The following PKN2 variants were observed in gnomAD, a reference collection of about 807,000 sequenced individuals.
The protein encoded by PKN2 is serine/threonine-protein kinase N2.
PKN2 carries 38 observed loss-of-function variants against 119.1 expected under a neutral mutation model. The observed-to-expected ratio is 0.32, with a 90% CI of 0.25 to 0.42. The LOEUF is 0.42. PKN2 is among the 10% of genes least tolerant of loss of function. The pLI is 1.00. For missense variants in PKN2, 850 were observed against 1,165.1 expected (o/e 0.73, Z 3.94); for synonymous variants, 390 against 384.9 (o/e 1.01, Z -0.15).
At chr1:88,772,162 C>G (rs1213704137) in intron 6 of PKN2, among the ~76,000 whole-genome samples, 1 of 152,188 alleles carries the variant, frequency 6.6e-6, no homozygotes, top group East Asian at 1.9e-4. Context: ...CCCCCTTCCT[C>G]CCAGCTGCTA....
chr1:88,805,367 G>T (rs1027567822), intron 10 of PKN2, 130 bp from the exon 11 acceptor site: 3 of 760,604 alleles, frequency 3.9e-6, no homozygotes, highest in Non-Finnish European at 6.1e-6. Context: ...TAAAAAACTA[G>T]TTTTTTTAAG....
chr1:88,758,046 A>C (rs1669280559), intron 2 of PKN2, among the ~76,000 whole-genome samples: 1 of 150,842 alleles, frequency 6.6e-6, no homozygotes, highest in African/African-American at 2.4e-5. Context: ...CTCAAAAAAA[A>C]AAAAAAAAAA....
intron 1 of PKN2, among the ~76,000 whole-genome samples, chr1:88,697,643 G>T (rs1221622685): frequency 6.6e-6 from 1 of 152,058 alleles, no homozygotes; most frequent in Non-Finnish European, 1.5e-5. Context: ...AATGCCTGTG[G>T]GATATAGTCC....
intron 1 of PKN2, among the ~76,000 whole-genome samples, chr1:88,701,317 G>A (rs535473020): frequency 6.6e-6 from 1 of 152,248 alleles, no homozygotes; most frequent in South Asian, 2.1e-4. Context: ...GGAGGCAGGT[G>A]CCTATAATCC....
intron 1 of PKN2, among the ~76,000 whole-genome samples, chr1:88,721,674 GT>G (rs1422283767): frequency 6.6e-6 from 1 of 152,130 alleles, no homozygotes; most frequent in Admixed American, 6.5e-5. Flanking sequence ...ATTAATTAAG[GT>G]CTTATTGGAT....
chr1:88,807,486 C>T, intron 13 of PKN2, 43 bp downstream of exon 13: 1 of 1,603,286 alleles, frequency 6.2e-7, no homozygotes, highest in Non-Finnish European at 8.5e-7. Context: ...TGTTTGGTAC[C>T]ATACTTTATT....
chr1:88,802,771 C>T (rs1378075696), intron 8 of PKN2, among the ~76,000 whole-genome samples: 1 of 152,136 alleles, frequency 6.6e-6, no homozygotes, highest in African/African-American at 2.4e-5. Context: ...AAAATCTTAC[C>T]ATTTTAGCCA....
Position 88,833,315 on chromosome 1 carries a change from A to T in PKN2, c.2822A>T (p.Glu941Val). The T allele has an allele frequency of 6.2e-7, 1 of 1,613,452 alleles. No individual in the cohort carries two copies. Among genetic ancestry groups the T allele is most frequent in the Non-Finnish European group, 8.5e-7 (1 of 1,179,516 alleles). ...TTTATACCTACCATAAGAGGACGAG[A>T]AGATGTTAGTAATTTTGATGATGAA... is the stretch of plus-strand genomic sequence containing the variant. ...PPFIPTIRGR[E>V]DVSNFDDEFT... The change falls in exon 22 of 22, where the codon GAA becomes GTA. Residue 941 changes from glutamate (E) to valine (V), a missense_variant. Glu to Val is a moderately radical substitution (Grantham distance 121). Around this residue, in one of 9 missense-constraint regions of PKN2, gnomAD observed 95 missense variants for 150.2 expected, o/e 0.63. Transcript: ENST00000370521.
At chr1:88,689,929 C>T (rs1287382050) in intron 1 of PKN2, among the ~76,000 whole-genome samples, 1 of 152,176 alleles carries the variant, frequency 6.6e-6, no homozygotes, top group Non-Finnish European at 1.5e-5. Context: ...TGTTGCTGCT[C>T]TTATAGACTA....
At position 88,797,334 on chromosome 1, in the gene PKN2, T is replaced by TA. The variant is rs1305618821; in HGVS notation, c.1282-7043dup. On this transcript the variant is annotated intron_variant, in intron 8 of 21. Transcript: ENST00000370521. ...GGGCAACAAGAGCAAAACTCTATCT[T>TA]AAAAAAAAAAAAAAGAAAGAAAATG... Among the ~76,000 whole-genome samples, 586 of 126,308 alleles carry TA rather than the reference T, an allele frequency of 4.6e-3. 3 individuals are homozygous for TA. Among genetic ancestry groups the TA allele is most frequent in the Non-Finnish European group, 7.0e-3 (418 of 59,868 alleles). The allele number at this position is 126,308 out of a possible 152,430, so 82.9% of individuals were successfully genotyped here.
intron 1 of PKN2, among the ~76,000 whole-genome samples, chr1:88,714,446 C>CTT (rs1298083190): frequency 2.0e-5 from 3 of 151,716 alleles, no homozygotes; most frequent in Admixed American, 6.6e-5. Context: ...TTTGTGTCCT[C>CTT]TTTTATTTTG....
At chr1:88,823,838 CT>C (rs1672390239) in intron 17 of PKN2, among the ~76,000 whole-genome samples, 1 of 151,414 alleles carries the variant, frequency 6.6e-6, no homozygotes, top group Admixed American at 6.6e-5. Context: ...GTGAAACCGC[CT>C]CTCTAATAAA....
At chr1:88,829,331 C>A in intron 19 of PKN2, 3 of 484,116 alleles carry the variant, frequency 6.2e-6, no homozygotes, top group Non-Finnish European at 1.2e-5. Context: ...ATTCGCTACA[C>A]CAACAGCTCC....
At chr1:88,781,162 G>A in intron 6 of PKN2, 1 of 1,280,052 alleles carries the variant, frequency 7.8e-7, no homozygotes. Flanking sequence ...TGGATGAATA[G>A]TAAGAGCATT....
chr1:88,820,232 AT>A (rs1672212441), intron 16 of PKN2, among the ~76,000 whole-genome samples: 3 of 104,666 alleles, frequency 2.9e-5, no homozygotes, highest in African/African-American at 9.2e-5. Context: ...ATATATATAT[AT>A]AAATAGAAAA....
rs1672938398 is a variant in PKN2, at chr1:88,836,182, T to A, written c.*2734T>A. The A allele has an allele frequency of 6.6e-6, 1 of 152,156 alleles. No homozygotes were observed. The highest frequency in any genetic ancestry group is 2.1e-4 in the South Asian group (1 of 4,832). The allele number at this position is 152,156 out of a possible 1,614,324, so 9.4% of individuals were successfully genotyped here. On this transcript the variant is annotated 3_prime_UTR_variant, in exon 22 of 22. Transcript: ENST00000370521. ...ACCAGTATTGTATGTACTTTTCTCT[T>A]GTTTGAGGTTAGCTTATTTTAATTT...
intron 1 of PKN2, among the ~76,000 whole-genome samples, chr1:88,697,036 A>G (rs1272281766): frequency 2.0e-5 from 3 of 152,118 alleles, no homozygotes; most frequent in Non-Finnish European, 4.4e-5. Flanking sequence ...AATCATATTC[A>G]TTGACTATAT....
chr1:88,833,384 G>A lies in PKN2; in HGVS notation c.2891G>A (p.Arg964Lys), dbSNP rs761812508. The A allele has an allele frequency of 2.5e-6, 4 of 1,613,364 alleles. No individual in the cohort carries two copies. The highest frequency in any genetic ancestry group is 1.6e-4 in the Middle Eastern group (1 of 6,062). Residue 964 changes from arginine (R) to lysine (K), a missense_variant, in exon 22 of 22, where the codon AGG (arginine) becomes AAG (lysine). This residue lies in a region of PKN2 where 52 missense variants were observed against 39.9 expected (regional missense o/e 1.30). Coordinates refer to ENST00000370521, the MANE Select transcript of PKN2 (RefSeq NM_006256.4). ...ATTCTGACTCCACCTCGAGAACCAA[G>A]GATACTTTCGGAAGAGGAGCAGGAA... is the stretch of plus-strand genomic sequence containing the variant. Reference protein sequence around the residue: ...APILTPPREPRILSEEEQEMF... With the variant: ...APILTPPREPKILSEEEQEMF...
At chr1:88,743,537 A>G (rs1350092019) in intron 2 of PKN2, among the ~76,000 whole-genome samples, 2 of 152,180 alleles carry the variant, frequency 1.3e-5, no homozygotes, top group Non-Finnish European at 2.9e-5. Context: ...CTTCCATGAC[A>G]TTCTCTGCTT....
Sources: gnomAD v4.1 joint callset for allele counts (sites outside exome capture counted in the v4.1 genomes callset) on GRCh38, gnomAD v4.1.1 for gene constraint, gnomAD v4.1.1 regional missense constraint, MANE v1.5 for transcripts, NCBI Gene and HGNC (gene_info 2026-07-23, HGNC 2026-07-21) for gene names.